Variants in OPHN1 observed in about 807,000 individuals in gnomAD.
OPHN1 encodes the protein oligophrenin-1.
Under a neutral mutation model 60.7 loss-of-function variants are expected in OPHN1, and 11 were observed. The ratio of observed to expected loss-of-function variants is 0.18; its 90% confidence interval spans 0.11 to 0.30. The LOEUF (loss-of-function observed/expected upper bound fraction) is 0.30. Among genes scored for constraint, OPHN1 ranks in the 10% least tolerant of loss-of-function variants. The pLI is 1.00. For missense variants in OPHN1, 449 were observed against 611.0 expected (o/e 0.73, Z 2.80); for synonymous variants, 226 against 222.6 (o/e 1.02, Z -0.14).
At chrX:68,397,742 C>T (rs1294988290) in intron 2 of OPHN1, among the ~76,000 whole-genome samples, 3 of 108,745 alleles carry the variant, frequency 2.8e-5, no homozygotes, top group Non-Finnish European at 3.8e-5. Flanking sequence ...AGGTTGATCT[C>T]GAACCCCTGA....
At chrX:68,298,901 G>T in intron 3 of OPHN1, 100 bp downstream of exon 3, 1 of 512,859 alleles carries the variant, frequency 1.9e-6, no homozygotes, top group Non-Finnish European at 3.4e-6. Context: ...GACCACAGTG[G>T]ATGAAGATGT....
At chrX:68,401,259 C>A (rs1049939497) in intron 2 of OPHN1, among the ~76,000 whole-genome samples, 9 of 112,095 alleles carry the variant, frequency 8.0e-5, no homozygotes, top group African/African-American at 2.9e-4. Flanking sequence ...ATGAGACAGA[C>A]AGCTACAAGT....
At chrX:68,216,313 G>A (rs1020573261) in intron 6 of OPHN1, among the ~76,000 whole-genome samples, 4 of 110,882 alleles carry the variant, frequency 3.6e-5, no homozygotes, top group African/African-American at 1.3e-4. Context: ...GTCAAAAGAA[G>A]ACTGAAAGAC....
chrX:68,237,084 C>T (rs925404794), intron 5 of OPHN1, among the ~76,000 whole-genome samples: 41 of 111,963 alleles, frequency 3.7e-4, no homozygotes, highest in African/African-American at 1.3e-3. Context: ...CTGCTGGGTT[C>T]AAGAGATTCT....
At chrX:68,205,894 T>C (rs1250191141) in intron 10 of OPHN1, among the ~76,000 whole-genome samples, 1 of 111,077 alleles carries the variant, frequency 9.0e-6, no homozygotes, top group African/African-American at 3.3e-5. Context: ...ATTGAACTAC[T>C]TTTAGAATAT....
intron 15 of OPHN1, among the ~76,000 whole-genome samples, chrX:68,142,308 T>C (rs1172934630): frequency 8.9e-6 from 1 of 112,307 alleles, no homozygotes; most frequent in African/African-American, 3.2e-5. Flanking sequence ...TTAAAGAACA[T>C]ACAGTGTAGT....
chrX:68,086,961 G>T, intron 19 of OPHN1, among the ~76,000 whole-genome samples: 1 of 111,774 alleles, frequency 8.9e-6, no homozygotes, highest in Non-Finnish European at 1.9e-5. Flanking sequence ...TGACTTCAAG[G>T]CTAACACTCT....
At chrX:68,256,726 G>T (rs1197143220) in intron 5 of OPHN1, among the ~76,000 whole-genome samples, 1 of 111,458 alleles carries the variant, frequency 9.0e-6, no homozygotes, top group Non-Finnish European at 1.9e-5. Flanking sequence ...TATACATTTT[G>T]TTTTTAGACA....
chrX:68,396,047 A>G (rs1820514509), intron 2 of OPHN1, among the ~76,000 whole-genome samples: 1 of 110,482 alleles, frequency 9.1e-6, no homozygotes, highest in South Asian at 3.9e-4. Flanking sequence ...TCAGAGCAAT[A>G]GATTACTGGC....
intron 15 of OPHN1, among the ~76,000 whole-genome samples, chrX:68,148,664 A>G (rs367637165): frequency 1.8e-5 from 2 of 111,443 alleles, no homozygotes; most frequent in African/African-American, 6.5e-5. Flanking sequence ...AGCCGTAAAG[A>G]GCACATTATT....
chrX:68,286,519 C>T (rs187104071), intron 3 of OPHN1, among the ~76,000 whole-genome samples: 245 of 110,988 alleles, frequency 2.2e-3, no homozygotes, highest in African/African-American at 7.6e-3. Flanking sequence ...CAGATACAAA[C>T]GCTGGGTATG....
chrX:68,395,496 A>C (rs1364183064), intron 2 of OPHN1, among the ~76,000 whole-genome samples: 4 of 103,894 alleles, frequency 3.9e-5, no homozygotes, highest in African/African-American at 1.4e-4. Context: ...CACCCAGGCT[A>C]GAGTGCAATG....
chrX:68,201,789 T>C, intron 10 of OPHN1, 79 bp from the exon 11 acceptor site: 2 of 844,634 alleles, frequency 2.4e-6, no homozygotes, highest in East Asian at 6.2e-5. Flanking sequence ...GTGTCTTCAG[T>C]GTCACTTGGA....
At chrX:68,403,709 C>T (rs1407610684) in intron 2 of OPHN1, among the ~76,000 whole-genome samples, 1 of 110,168 alleles carries the variant, frequency 9.1e-6, no homozygotes, top group Non-Finnish European at 1.9e-5. Context: ...GCTGCTTCCT[C>T]AAATGTGCCT....
At chrX:68,317,536 AAAAAAAGAAAGAAAG>A (rs1569278357) in intron 2 of OPHN1, among the ~76,000 whole-genome samples, 38 of 72,236 alleles carry the variant, frequency 5.3e-4, no homozygotes, top group African/African-American at 2.0e-3. Context: ...AGAAAGAAAG[AAAAAAAGAAAGAAAG>A]AAAGAAAGAA....
chrX:68,306,409 C>G (rs2078145388), intron 2 of OPHN1, among the ~76,000 whole-genome samples: 1 of 111,753 alleles, frequency 8.9e-6, no homozygotes, highest in Non-Finnish European at 1.9e-5. Context: ...GAAAAAGATT[C>G]TAGGCATTAG....
At chrX:68,086,447 C>A (rs1287966204) in intron 19 of OPHN1, among the ~76,000 whole-genome samples, 1 of 111,743 alleles carries the variant, frequency 8.9e-6, no homozygotes, top group Non-Finnish European at 1.9e-5. Context: ...TTTTAATGGT[C>A]AACTCTTCTA....
chrX:68,399,775 T>TA (rs1279247677), intron 2 of OPHN1, among the ~76,000 whole-genome samples: 7 of 111,277 alleles, frequency 6.3e-5, no homozygotes, highest in Non-Finnish European at 1.3e-4. Flanking sequence ...ATTGGGCAAC[T>TA]ACTCCATACC....
intron 23 of OPHN1, among the ~76,000 whole-genome samples, chrX:68,051,256 A>C (rs1198524815): frequency 1.8e-5 from 2 of 111,323 alleles, no homozygotes. Flanking sequence ...ACCAAGAAGG[A>C]ACAAACTCAC....
Sources: gnomAD v4.1 joint callset for allele counts (sites outside exome capture counted in the v4.1 genomes callset) on GRCh38, gnomAD v4.1.1 for gene constraint, MANE v1.5 for transcripts, NCBI Gene and HGNC (gene_info 2026-07-23, HGNC 2026-07-21) for gene names.